SCAI: variants seen among roughly 807,000 people sequenced by gnomAD.
SCAI encodes suppressor of cancer cell invasion, also known as protein SCAI.
SCAI carries 24 observed loss-of-function variants against 92.2 expected under a neutral mutation model. That is an observed-to-expected ratio of 0.26 (90% CI 0.19 to 0.37). SCAI has a LOEUF of 0.37. Among genes scored for constraint, SCAI ranks in the 10% least tolerant of loss-of-function variants. The pLI, the probability that SCAI is intolerant of heterozygous loss-of-function variation, is 1.00. For synonymous variants in SCAI, 261 were observed against 258.6 expected, an observed-to-expected ratio of 1.01 and a Z score of -0.09; for missense variants, 450 against 736.2, an observed-to-expected ratio of 0.61 and a Z score of 4.50.
chr9:124,968,779 A>G, intron 17 of SCAI: 1 of 887,708 alleles, frequency 1.1e-6, no homozygotes, highest in South Asian at 1.4e-5. Flanking sequence ...TGGGGTGCGC[A>G]GGCCACGGCG....
At chr9:125,056,731 C>T (rs1379854937) in intron 2 of SCAI, among the ~76,000 whole-genome samples, 1 of 152,114 alleles carries the variant, frequency 6.6e-6, no homozygotes, top group Non-Finnish European at 1.5e-5. Flanking sequence ...ATTTTAGTAT[C>T]ATAACATTTA....
chr9:125,029,297 T>C (rs924803658), intron 4 of SCAI, among the ~76,000 whole-genome samples: 1 of 151,924 alleles, frequency 6.6e-6, no homozygotes, highest in African/African-American at 2.4e-5. Flanking sequence ...AATTTTTGTG[T>C]ATTTTGTAGA....
At chr9:124,987,440 T>C (rs545916084) in intron 14 of SCAI, among the ~76,000 whole-genome samples, 7 of 152,310 alleles carry the variant, frequency 4.6e-5, no homozygotes, top group African/African-American at 1.7e-4. Flanking sequence ...ATATGGGCCA[T>C]ACTTGTTACA....
At chr9:125,140,610 TTAG>T (rs1835643600) in intron 2 of SCAI, among the ~76,000 whole-genome samples, 2 of 150,588 alleles carry the variant, frequency 1.3e-5, no homozygotes, top group Non-Finnish European at 2.9e-5. Flanking sequence ...TCACAGCACT[TTAG>T]TAGGCCAAGG....
chr9:125,134,018 C>A (rs987873015), intron 2 of SCAI, among the ~76,000 whole-genome samples: 1 of 152,140 alleles, frequency 6.6e-6, no homozygotes, highest in Non-Finnish European at 1.5e-5. Context: ...GAGAACCACC[C>A]CTTAGTCTGA....
At chr9:125,048,807 G>A (rs929031365) in intron 3 of SCAI, among the ~76,000 whole-genome samples, 16 of 152,124 alleles carry the variant, frequency 1.1e-4, no homozygotes, top group Admixed American at 2.6e-4. Flanking sequence ...AGGCAATGGC[G>A]TGATCTCGGC....
At chr9:124,968,020 G>A (rs1429372784) in intron 17 of SCAI, among the ~76,000 whole-genome samples, 1 of 152,100 alleles carries the variant, frequency 6.6e-6, no homozygotes, top group Admixed American at 6.6e-5. Context: ...TTTAAAGGTT[G>A]TTATATTCAG....
chr9:125,050,776 G>T (rs907954463), intron 3 of SCAI, among the ~76,000 whole-genome samples: 33 of 151,994 alleles, frequency 2.2e-4, no homozygotes, highest in Admixed American at 2.2e-3. Flanking sequence ...TTCCTATGTC[G>T]CCAGGCTGGT....
chr9:125,118,862 C>T (rs1835104306), intron 2 of SCAI, among the ~76,000 whole-genome samples: 1 of 152,134 alleles, frequency 6.6e-6, no homozygotes, highest in South Asian at 2.1e-4. Context: ...TATCCATGTC[C>T]CTGCAAAGGA....
intron 2 of SCAI, among the ~76,000 whole-genome samples, chr9:125,089,039 C>A (rs939851460): frequency 2.4e-4 from 36 of 152,154 alleles, no homozygotes; most frequent in African/African-American, 8.7e-4. Flanking sequence ...AGCTAAGAAG[C>A]CCAGTGCTGA....
chr9:125,033,134 C>T (rs1024913282), intron 3 of SCAI, among the ~76,000 whole-genome samples: 8 of 151,450 alleles, frequency 5.3e-5, no homozygotes, highest in Non-Finnish European at 8.8e-5. Flanking sequence ...GAGGCTGAGG[C>T]GGAAAGATTG....
At chr9:125,080,049 A>G (rs1373383989) in intron 2 of SCAI, among the ~76,000 whole-genome samples, 2 of 152,198 alleles carry the variant, frequency 1.3e-5, no homozygotes, top group African/African-American at 4.8e-5. Flanking sequence ...AAGTTATCAA[A>G]AAAAAAGAAA....
chr9:125,014,447 T>C (rs1299611511), intron 9 of SCAI, among the ~76,000 whole-genome samples: 3 of 152,110 alleles, frequency 2.0e-5, no homozygotes, highest in African/African-American at 7.2e-5. Flanking sequence ...TCAAAGAGAA[T>C]AAAATACCTA....
chr9:124,987,878 G>A (rs1252617157), intron 14 of SCAI, among the ~76,000 whole-genome samples: 1 of 152,024 alleles, frequency 6.6e-6, no homozygotes, highest in Non-Finnish European at 1.5e-5. Context: ...CAGGAGAATC[G>A]CTTGAACCCG....
chr9:124,977,813 T>C (rs1474722786), intron 14 of SCAI, among the ~76,000 whole-genome samples: 3 of 152,226 alleles, frequency 2.0e-5, no homozygotes, highest in East Asian at 1.9e-4. Flanking sequence ...TTAGGACTTA[T>C]GTACACATAA....
intron 2 of SCAI, among the ~76,000 whole-genome samples, chr9:125,140,270 G>A (rs755345184): frequency 6.6e-6 from 1 of 152,158 alleles, no homozygotes; most frequent in Non-Finnish European, 1.5e-5. Flanking sequence ...GCTCACACCT[G>A]TAATCCCAGC....
intron 9 of SCAI, among the ~76,000 whole-genome samples, chr9:125,014,475 G>A (rs1564378995): frequency 1.3e-5 from 2 of 152,088 alleles, no homozygotes; most frequent in African/African-American, 4.8e-5. Flanking sequence ...AACTTACAAG[G>A]GATGTGAAGG....
intron 17 of SCAI, among the ~76,000 whole-genome samples, chr9:124,955,363 C>T (rs1831299078): frequency 6.6e-6 from 1 of 151,614 alleles, no homozygotes; most frequent in South Asian, 2.1e-4. Flanking sequence ...CCAGGAGTTC[C>T]AGGCCAGCCT....
At chr9:125,106,279 AAC>A (rs1212448960) in intron 2 of SCAI, among the ~76,000 whole-genome samples, 1 of 149,998 alleles carries the variant, frequency 6.7e-6, no homozygotes, top group East Asian at 1.9e-4. Flanking sequence ...ATAAAAAAAA[AAC>A]ACAAGCATTG....
Sources: allele counts gnomAD v4.1 joint callset (sites outside exome capture counted in the v4.1 genomes callset), GRCh38; gene constraint gnomAD v4.1.1; transcripts MANE v1.5; gene names NCBI Gene and HGNC (gene_info 2026-07-23, HGNC 2026-07-21).